Variants in MID1 observed in about 807,000 individuals in gnomAD.
The protein encoded by MID1 is midline 1.
MID1 carries 7 observed loss-of-function variants against 40.4 expected under a neutral mutation model. The observed-to-expected ratio is 0.17, with a 90% CI of 0.10 to 0.33. The LOEUF (loss-of-function observed/expected upper bound fraction) is 0.33. MID1 is among the 10% of genes least tolerant of loss of function. The pLI is 1.00. For missense variants in MID1, 367 were observed against 558.5 expected, an observed-to-expected ratio of 0.66 and a Z score of 3.46; for synonymous variants, 229 against 221.2, an observed-to-expected ratio of 1.04 and a Z score of -0.31.
intron 1 of MID1, among the ~76,000 whole-genome samples, chrX:10,800,477 A>C (rs914282046): frequency 8.9e-6 from 1 of 111,968 alleles, no homozygotes; most frequent in African/African-American, 3.2e-5. Flanking sequence ...TTACCCACAA[A>C]ACCTGAGAGA....
intron 1 of MID1, among the ~76,000 whole-genome samples, chrX:10,671,218 C>T (rs2042985386): frequency 8.9e-6 from 1 of 111,901 alleles, no homozygotes; most frequent in Non-Finnish European, 1.9e-5. Flanking sequence ...AAATATCTCA[C>T]AAAATTATAA....
At chrX:10,564,624 T>C (rs1452712023) in intron 2 of MID1, among the ~76,000 whole-genome samples, 1 of 111,802 alleles carries the variant, frequency 8.9e-6, no homozygotes, top group Non-Finnish European at 1.9e-5. Flanking sequence ...TCAATTAAAG[T>C]GTGCAGGGCT....
At chrX:10,626,665 A>G (rs190369906) in intron 1 of MID1, among the ~76,000 whole-genome samples, 7 of 112,036 alleles carry the variant, frequency 6.2e-5, no homozygotes, top group Non-Finnish European at 1.3e-4. Flanking sequence ...AACAATGACG[A>G]GGACAGAACA....
At chrX:10,549,964 C>T (rs1933844578) in intron 2 of MID1, among the ~76,000 whole-genome samples, 1 of 112,696 alleles carries the variant, frequency 8.9e-6, no homozygotes, top group South Asian at 3.6e-4. Flanking sequence ...CTGATTTATG[C>T]TATTCCAAGT....
chrX:10,821,464 C>T (rs910443935), intron 1 of MID1, among the ~76,000 whole-genome samples: 14 of 112,044 alleles, frequency 1.2e-4, no homozygotes, highest in Non-Finnish European at 2.6e-4. Flanking sequence ...CTGGGAAAAA[C>T]CCTACTAGGA....
At chrX:10,445,360 T>C (rs1927990355), downstream of MID1, 1 of 112,417 alleles carries the variant, frequency 8.9e-6, no homozygotes, top group Non-Finnish European at 1.9e-5. Context: ...CCCTGGAGAA[T>C]ATTTTGAGTG....
intron 1 of MID1, among the ~76,000 whole-genome samples, chrX:10,587,737 G>A (rs1401853251): frequency 1.8e-5 from 2 of 111,554 alleles, no homozygotes; most frequent in African/African-American, 6.5e-5. Flanking sequence ...TAACTTTTAT[G>A]ATCTTCTAGT....
intron 1 of MID1, among the ~76,000 whole-genome samples, chrX:10,692,249 G>A (rs10429791): frequency 0.048 from 5,291 of 110,352 alleles, 178 homozygotes; most frequent in African/African-American, 0.12. Flanking sequence ...TTTGCGGCTC[G>A]AGGTTGCCAT....
chrX:10,604,441 T>C (rs1401758333), intron 1 of MID1, among the ~76,000 whole-genome samples: 1 of 111,785 alleles, frequency 8.9e-6, no homozygotes, highest in Non-Finnish European at 1.9e-5. Context: ...CTTTAAAATC[T>C]AGCAGGACTT....
chrX:10,764,971 C>T (rs922369020), intron 1 of MID1, among the ~76,000 whole-genome samples: 1 of 112,153 alleles, frequency 8.9e-6, no homozygotes, highest in Admixed American at 9.5e-5. Flanking sequence ...CATACTCATA[C>T]ACCATTTTTA....
intron 2 of MID1, among the ~76,000 whole-genome samples, chrX:10,546,554 C>T (rs959441057): frequency 9.0e-6 from 1 of 111,469 alleles, no homozygotes; most frequent in African/African-American, 3.3e-5. Flanking sequence ...TAAAGACAAT[C>T]TCAAGTGCAG....
At chrX:10,752,384 C>T (rs1021424473) in intron 1 of MID1, among the ~76,000 whole-genome samples, 2 of 112,089 alleles carry the variant, frequency 1.8e-5, no homozygotes, top group African/African-American at 3.2e-5. Context: ...GAATCCTACT[C>T]AATTCTTAAA....
chrX:10,810,656 T>A (rs2044091132), intron 1 of MID1, among the ~76,000 whole-genome samples: 1 of 109,555 alleles, frequency 9.1e-6, no homozygotes, highest in Non-Finnish European at 1.9e-5. Context: ...TGCATAGAGT[T>A]CCAATTTCTC....
chrX:10,581,890 T>C (rs1200469043), intron 1 of MID1, among the ~76,000 whole-genome samples: 1 of 111,844 alleles, frequency 8.9e-6, no homozygotes, highest in East Asian at 2.8e-4. Flanking sequence ...CTGTCCCATA[T>C]GCACTCTTTG....
At chrX:10,570,343 C>T (rs1474414391) in intron 1 of MID1, among the ~76,000 whole-genome samples, 2 of 112,185 alleles carry the variant, frequency 1.8e-5, no homozygotes, top group East Asian at 2.8e-4. Context: ...ACCTACCCAT[C>T]GTGGTAATTC....
intron 1 of MID1, among the ~76,000 whole-genome samples, chrX:10,810,382 G>A (rs1018429162): frequency 1.8e-5 from 2 of 111,883 alleles, no homozygotes; most frequent in African/African-American, 6.5e-5. Context: ...AAATTCCATT[G>A]TATGGGTATA....
At chrX:10,826,792 A>T (rs1442609640) in intron 1 of MID1, among the ~76,000 whole-genome samples, 1 of 112,293 alleles carries the variant, frequency 8.9e-6, no homozygotes, top group African/African-American at 3.2e-5. Flanking sequence ...CCTACACTTG[A>T]CTGTTATTTA....
At chrX:10,589,422 C>T (rs780899402) in intron 1 of MID1, among the ~76,000 whole-genome samples, 2 of 111,153 alleles carry the variant, frequency 1.8e-5, no homozygotes, top group African/African-American at 6.5e-5. Context: ...GGTGATCAGG[C>T]CACGCTTCCA....
At chrX:10,640,987 A>G (rs1936186824) in intron 1 of MID1, among the ~76,000 whole-genome samples, 2 of 112,116 alleles carry the variant, frequency 1.8e-5, no homozygotes, top group Non-Finnish European at 3.8e-5. Context: ...GACACAACAT[A>G]CCAGAATCTC....
Sources: gnomAD v4.1 joint callset for allele counts (sites outside exome capture counted in the v4.1 genomes callset) on GRCh38, gnomAD v4.1.1 for gene constraint, MANE v1.5 for transcripts, NCBI Gene and HGNC (gene_info 2026-07-23, HGNC 2026-07-21) for gene names.